PMS2: variants seen among roughly 807,000 people sequenced by gnomAD.
PMS2 encodes the protein PMS1 homolog 2, mismatch repair system component, also known as mismatch repair endonuclease PMS2.
In PMS2, 69 loss-of-function variants were observed where a neutral mutation model predicts 90.0. The ratio of observed to expected loss-of-function variants is 0.77; its 90% CI spans 0.63 to 0.94. PMS2 has a LOEUF of 0.94. PMS2 is among the 40% of genes least tolerant of loss of function. The probability of loss-of-function intolerance (pLI) is 0.00; values close to 1 mark genes in which losing one functional copy is unlikely to be tolerated. For missense variants in PMS2, 966 were observed against 1,040.2 expected, an observed-to-expected ratio of 0.93 and a Z score of 0.98; for synonymous variants, 332 against 375.1, an observed-to-expected ratio of 0.89 and a Z score of 1.33.
At chr7:5,991,882 A>G (rs1783773044) in intron 9 of PMS2, 91 bp downstream of exon 9, 1 of 764,110 alleles carries the variant, frequency 1.3e-6, no homozygotes. Flanking sequence ...ATAAATTGTT[A>G]TCTCATTCCA....
At chr7:6,003,563 C>G (rs1347690787) in intron 4 of PMS2, 127 bp downstream of exon 4, 1 of 670,240 alleles carries the variant, frequency 1.5e-6, no homozygotes, top group East Asian at 2.7e-5. Context: ...GGCAGCGAGA[C>G]AAAACAGAAT....
intron 6 of PMS2, 27 bp downstream of exon 6, chr7:5,999,081 G>A (rs1470855957): frequency 6.2e-7 from 1 of 1,605,556 alleles, no homozygotes; most frequent in South Asian, 1.1e-5. Context: ...AGCAATAAGA[G>A]GCGTTGAAGT....
Position 5,995,876 on chromosome 7 carries a change from C to T in PMS2, c.804-243G>A, listed in dbSNP as rs2286680. On this transcript the variant is annotated intron_variant, in intron 7 of 14. Transcript: ENST00000265849. ...ATGCACCACAGGTGATGCAGTGCGT[C>T]CAAAACTGATGTGTTGCAGCTCTCC... Among the ~76,000 whole-genome samples the T allele has an allele frequency of 0.16, 24,123 of 152,128 alleles. 2,139 individuals carry two copies. Among genetic ancestry groups the T allele is most frequent in the African/African-American group, 0.22 (8,928 of 41,502 alleles).
At position 5,997,411 on chromosome 7, in the gene PMS2, T is replaced by C. The variant is rs746592049; in HGVS notation, c.718A>G (p.Ile240Val). ...VFGQKQLQSLIPFVQLPPSDS... is the reference protein window; with the variant it reads ...VFGQKQLQSLVPFVQLPPSDS... ...CTAGGGGGCAGCTGAACAAAAGGAATGAGGCTTTGCAACTGAAAAAAAAAA... is the reference window on the plus strand; with the variant it reads ...CTAGGGGGCAGCTGAACAAAAGGAACGAGGCTTTGCAACTGAAAAAAAAAA... Residue 240 changes from isoleucine (I) to valine (V), a missense_variant, in exon 7 of 15, where the codon ATT (isoleucine) becomes GTT (valine). Transcript: ENST00000265849. 6.4e-7 allele frequency: 1 copy of C among 1,573,456 alleles called. No homozygotes were observed. The highest frequency in any genetic ancestry group is 1.1e-5 in the South Asian group (1 of 88,194).
chr7:5,998,231 G>C (rs1784652871), intron 6 of PMS2, among the ~76,000 whole-genome samples: 1 of 151,348 alleles, frequency 6.6e-6, no homozygotes. Flanking sequence ...ACAGGTGCCT[G>C]CCACCACGAA....
Position 6,002,607 on chromosome 7 carries a change from G to A in PMS2, c.383C>T (p.Ser128Leu), listed in dbSNP as rs116373169. 611 of 1,611,822 alleles carry A rather than the reference G, an allele frequency of 3.8e-4. 7 individuals are homozygous for A. In the African/African-American group the frequency reaches 5.4e-3, roughly 14 times the overall value. ...SDVTISTCHA[S>L]AKVGTRLMFD... ...CATCAGTCGAGTTCCAACCTTCGCC[G>A]ATGCGTGGCAGGTAGAAATGGTGAC... Residue 128 changes from serine (S) to leucine (L), a missense_variant, in exon 5 of 15, where the codon TCG (serine) becomes TTG (leucine). Ser to Leu is a moderately radical substitution (Grantham distance 145). This residue lies in a region of PMS2 where 871 missense variants were observed against 802.4 expected (regional missense o/e 1.09). Transcript: ENST00000265849.
chr7:5,997,078 G>T (rs965890403), intron 7 of PMS2, among the ~76,000 whole-genome samples: 2 of 151,988 alleles, frequency 1.3e-5, no homozygotes, highest in African/African-American at 4.8e-5. Context: ...GCCGGGTGTG[G>T]TGGCACGTGC....
chr7:5,999,345 C>A, intron 5 of PMS2, 70 bp from the exon 6 acceptor site: 1 of 1,340,238 alleles, frequency 7.5e-7, no homozygotes, highest in East Asian at 2.3e-5. Context: ...GCTCAAGTTA[C>A]AACATCCAAC....
In PMS2 at chr7:5,997,393, G is replaced by T. The variant is rs765668173; in HGVS notation, c.736C>A (p.Pro246Thr). The change falls in exon 7 of 15, where the codon CCC (proline) becomes ACC (threonine). Residue 246 changes from proline (P) to threonine (T), a missense_variant. Coordinates refer to ENST00000265849, the MANE Select transcript of PMS2 (RefSeq NM_000535.7). ...TCTTCACACACGGAGTCACTAGGGG[G>T]CAGCTGAACAAAAGGAATGAGGCTT... Reference protein sequence around the residue: ...LQSLIPFVQLPPSDSVCEEYG... With the variant: ...LQSLIPFVQLTPSDSVCEEYG... The T allele has an allele frequency of 1.0e-5, 16 of 1,602,388 alleles. No individual in the cohort carries two copies. In the South Asian group the frequency reaches 1.7e-4, roughly 17 times the overall value.
chr7:5,989,658 C>T (rs148031121), intron 10 of PMS2, 142 bp downstream of exon 10: 123 of 616,390 alleles, frequency 2.0e-4, no homozygotes, highest in African/African-American at 1.9e-3. Context: ...CAGAGCAAGT[C>T]CCTGTCTCAA....
At chr7:6,005,613 A>G (rs560205092) in intron 2 of PMS2, among the ~76,000 whole-genome samples, 3 of 152,184 alleles carry the variant, frequency 2.0e-5, no homozygotes, top group Non-Finnish European at 2.9e-5. Flanking sequence ...CTAGGATTAT[A>G]GGCGTGAGAC....
chr7:5,997,236 A>G, intron 7 of PMS2, 90 bp downstream of exon 7: 3 of 726,896 alleles, frequency 4.1e-6, no homozygotes, highest in Non-Finnish European at 4.8e-6. Flanking sequence ...AAAAGACACG[A>G]AACTATTAGC....
Position 5,981,920 on chromosome 7 carries a change from G to T in PMS2, c.2174+904C>A, listed in dbSNP as rs562428760. 4.2e-4 allele frequency among the ~76,000 whole-genome samples: 64 copies of T among 151,740 alleles called. No individual in the cohort carries two copies. The South Asian group carries it at 0.012, about 30-fold the overall frequency. On this transcript the variant is annotated intron_variant, in intron 12 of 14. Coordinates refer to ENST00000265849, the MANE Select transcript of PMS2 (RefSeq NM_000535.7). ...GGCAGATTCTAGGCACTGAATAAAT[G>T]GTAACTATCACTATTATGTAAAAAG...
At chr7:6,008,931 G>A in intron 1 of PMS2, 66 bp downstream of exon 1, 6 of 1,586,022 alleles carry the variant, frequency 3.8e-6, no homozygotes, top group Non-Finnish European at 4.3e-6. Flanking sequence ...CAGGGAGGTT[G>A]GAATGCCGTG....
intron 7 of PMS2, among the ~76,000 whole-genome samples, chr7:5,996,236 C>CAAAA (rs1240245394): frequency 6.6e-6 from 1 of 151,972 alleles, no homozygotes; most frequent in Non-Finnish European, 1.5e-5. Context: ...GATCTCAAGG[C>CAAAA]AACAAACAAA....
chr7:5,986,214 C>T (rs62456177), intron 11 of PMS2, among the ~76,000 whole-genome samples: 50,554 of 143,562 alleles, frequency 0.35, 9,020 homozygotes, highest in Non-Finnish European at 0.4. Flanking sequence ...GCGCAGATGC[C>T]GGAATTACAA....
rs587782479 is a variant in PMS2, at chr7:5,987,214, G to A, written c.1551C>T (p.Ser517=). 6 of 1,614,026 alleles carry A rather than the reference G, an allele frequency of 3.7e-6. No homozygotes were observed. Among genetic ancestry groups the A allele is most frequent in the East Asian group, 4.5e-5 (2 of 44,874 alleles). The stretch of plus-strand genomic sequence containing the variant: ...CCCCTGGGGAGCTGGCCGCATACTC[G>A]CTGCTGCAGTGACTGCCCGTGTCTG... ...SIPDTGSHCS[S]EYAASSPGDR... The change falls in exon 11 of 15, where the codon AGC becomes AGT. Residue 517 remains serine (S), a synonymous_variant. Transcript: ENST00000265849.
intron 11 of PMS2, 145 bp from the exon 12 acceptor site, chr7:5,983,136 A>T: frequency 7.7e-7 from 1 of 1,298,976 alleles, no homozygotes; most frequent in Admixed American, 2.3e-5. Context: ...TTTTTGAAAC[A>T]GAGTCTCGTT....
chr7:5,988,640 T>C (rs1583328649), intron 10 of PMS2, among the ~76,000 whole-genome samples: 1 of 152,202 alleles, frequency 6.6e-6, no homozygotes, highest in South Asian at 2.1e-4. Flanking sequence ...TTCTTCATTA[T>C]AGCCCCAAAC....
Sources: allele counts gnomAD v4.1 joint callset (sites outside exome capture counted in the v4.1 genomes callset), GRCh38; gene constraint gnomAD v4.1.1; regional missense constraint gnomAD v4.1.1; transcripts MANE v1.5; gene names NCBI Gene and HGNC (gene_info 2026-07-23, HGNC 2026-07-21).